PROX1: variants seen among roughly 807,000 people sequenced by gnomAD.
PROX1 encodes the protein prospero homeobox protein 1.
In PROX1, 7 loss-of-function variants were observed where a neutral mutation model predicts 58.8. The ratio of observed to expected loss-of-function variants is 0.12; its 90% confidence interval spans 0.07 to 0.22. The LOEUF (loss-of-function observed/expected upper bound fraction) is 0.22. PROX1 is among the 10% of genes least tolerant of loss of function. The pLI is 1.00. For missense variants in PROX1, 675 were observed against 927.8 expected (o/e 0.73, Z 3.54); for synonymous variants, 350 against 358.3 (o/e 0.98, Z 0.26).
chr1:214,027,939 G>GTTT (rs60310710), intron 4 of PROX1, among the ~76,000 whole-genome samples: 1 of 146,456 alleles, frequency 6.8e-6, no homozygotes, highest in African/African-American at 2.5e-5. Flanking sequence ...TAGTTTTTAG[G>GTTT]TTTTTTTTTT....
rs550186469 is a variant in PROX1, at chr1:214,014,215, C to T, written c.2028+2500C>T. Among the ~76,000 whole-genome samples the T allele has an allele frequency of 2.6e-5, 4 of 152,320 alleles. No individual in the cohort carries two copies. The South Asian group carries it at 8.3e-4, about 32-fold the overall frequency. On this transcript the variant is annotated intron_variant, in intron 4 of 4. Coordinates refer to ENST00000366958, the MANE Select transcript of PROX1 (RefSeq NM_001270616.2). The stretch of plus-strand genomic sequence containing the variant: ...CTGAGAGCCAAAAGTAGATCCGGCA[C>T]CTTCAGCTGAATACCTCCACTGATA...
intron 4 of PROX1, among the ~76,000 whole-genome samples, chr1:214,014,565 C>T (rs906350010): frequency 6.6e-6 from 1 of 152,134 alleles, no homozygotes; most frequent in Non-Finnish European, 1.5e-5. Context: ...TACTAATGAC[C>T]TAGGCACTCT....
chr1:214,001,980 C>A (rs1663531814), intron 2 of PROX1, among the ~76,000 whole-genome samples: 1 of 152,090 alleles, frequency 6.6e-6, no homozygotes, highest in African/African-American at 2.4e-5. Context: ...CTTTTCTCCC[C>A]ATTTTAGTTT....
chr1:214,006,258 G>A lies in PROX1; in HGVS notation c.1833+986G>A, dbSNP rs560442369. Among the ~76,000 whole-genome samples, 33 of 150,668 alleles carry A rather than the reference G, an allele frequency of 2.2e-4. No individual in the cohort carries two copies. The South Asian group carries it at 6.3e-3, about 29-fold the overall frequency. On this transcript the variant is annotated intron_variant, in intron 3 of 4. Transcript: ENST00000366958. The stretch of plus-strand genomic sequence containing the variant: ...CTCGCTCTTCCACTGCTCCCCGCAC[G>A]CAGCTTGTTTTGTGCTTGATGCCCA...
chr1:214,027,432 C>T (rs772696288), intron 4 of PROX1, among the ~76,000 whole-genome samples: 9 of 152,148 alleles, frequency 5.9e-5, no homozygotes, highest in Non-Finnish European at 1.3e-4. Flanking sequence ...GCTCCCAAAG[C>T]TCTGTCTCTC....
chr1:214,015,524 G>A lies in PROX1; in HGVS notation c.2028+3809G>A, dbSNP rs1212685188. Among the ~76,000 whole-genome samples the A allele has an allele frequency of 4.0e-5, 6 of 151,808 alleles. 1 individual carries two copies. The highest frequency in any genetic ancestry group is 8.8e-5 in the Non-Finnish European group (6 of 67,964). ...AGGGGCGTATGAGTTGGATTTTATC[G>A]CTTTTGTTGTTTTCCTCACAACTGT... On this transcript the variant is annotated intron_variant, in intron 4 of 4. Coordinates refer to ENST00000366958, the MANE Select transcript of PROX1 (RefSeq NM_001270616.2).
Position 213,989,261 on chromosome 1 carries a change from C to T in PROX1, c.-68+778C>T, listed in dbSNP as rs538158105. Among the ~76,000 whole-genome samples, 10 of 151,914 alleles carry T rather than the reference C, an allele frequency of 6.6e-5. No individual in the cohort carries two copies. In the South Asian group the frequency reaches 2.1e-3, roughly 32 times the overall value. Reference sequence around the variant, plus strand: ...GATGGGTCCCGGGAAACGCGCGCGGCGCCCCTCTTCCGAGCTCCTGGACCC... The same window carrying T: ...GATGGGTCCCGGGAAACGCGCGCGGTGCCCCTCTTCCGAGCTCCTGGACCC... On this transcript the variant is annotated intron_variant, in intron 1 of 4. Coordinates refer to ENST00000366958, the MANE Select transcript of PROX1 (RefSeq NM_001270616.2).
chr1:213,997,071 C>G lies in PROX1; in HGVS notation c.536C>G (p.Ser179Cys). 6.2e-7 allele frequency: 1 copy of G among 1,613,948 alleles called. No individual in the cohort carries two copies. Among genetic ancestry groups the G allele is most frequent in the South Asian group, 1.1e-5 (1 of 91,058 alleles). The stretch of plus-strand genomic sequence containing the variant: ...AATATAATTCGGGGTATGAGCCATT[C>G]CCCCAGTGTGGCATTAAGGGGCAAT... ...VENIIRGMSH[S>C]PSVALRGNEN... The change falls in exon 2 of 5, where the codon TCC becomes TGC. Residue 179 changes from serine (S) to cysteine (C), a missense_variant. This residue lies in a region of PROX1 where 403 missense variants were observed against 477.4 expected (regional missense o/e 0.84). Transcript: ENST00000366958. This position sits in a 1 kb window ranked among gnomAD's most constrained non-coding sequence, Gnocchi z 7.1.
intron 4 of PROX1, among the ~76,000 whole-genome samples, chr1:214,025,092 A>G (rs964580583): frequency 3.9e-5 from 6 of 152,230 alleles, no homozygotes; most frequent in Non-Finnish European, 8.8e-5. Flanking sequence ...TCCTCTGTTT[A>G]GCACATTTAA....
intron 4 of PROX1, among the ~76,000 whole-genome samples, chr1:214,015,420 C>CA (rs946522775): frequency 1.3e-5 from 2 of 151,858 alleles, no homozygotes; most frequent in South Asian, 2.1e-4. Flanking sequence ...GAAGGGCTTC[C>CA]AAAAAAAATT....
At chr1:214,026,408 T>C (rs1664460243) in intron 4 of PROX1, among the ~76,000 whole-genome samples, 1 of 152,186 alleles carries the variant, frequency 6.6e-6, no homozygotes, top group Admixed American at 6.5e-5. Flanking sequence ...AGTACTATCT[T>C]CTACTGGGGC....
chr1:214,025,942 G>T (rs929995220), intron 4 of PROX1, among the ~76,000 whole-genome samples: 3 of 152,104 alleles, frequency 2.0e-5, no homozygotes, highest in Admixed American at 2.0e-4. Context: ...GATTACAGGC[G>T]TGAGCCACCG....
chr1:214,017,317 C>CTATTTCCTTTGAA (rs1266211943), intron 4 of PROX1, among the ~76,000 whole-genome samples: 1 of 152,142 alleles, frequency 6.6e-6, no homozygotes, highest in Non-Finnish European at 1.5e-5. Context: ...GTTCTATGAT[C>CTATTTCCTTTGAA]TATTTCCTTT....
intron 4 of PROX1, among the ~76,000 whole-genome samples, chr1:214,025,411 C>T (rs1664417852): frequency 6.6e-6 from 1 of 152,222 alleles, no homozygotes; most frequent in African/African-American, 2.4e-5. Flanking sequence ...CAAAGTATGG[C>T]CTATGGGCAG....
Position 214,040,782 on chromosome 1 carries a change from A to G in PROX1, c.*4948A>G, listed in dbSNP as rs1664985153. 1 of 152,068 alleles carries G rather than the reference A, an allele frequency of 6.6e-6. No individual in the cohort carries two copies. The highest frequency in any genetic ancestry group is 1.5e-5 in the Non-Finnish European group (1 of 67,972). The allele number at this position is 152,068 out of a possible 1,614,324, so 9.4% of individuals were successfully genotyped here. ...TTGTTTGTTTTTTTTAGCTAGAGGC[A>G]ATTTCAATTGTGAATTTTTGTTGTT... is the stretch of plus-strand genomic sequence containing the variant. On this transcript the variant is annotated 3_prime_UTR_variant, in exon 5 of 5. Coordinates refer to ENST00000366958, the MANE Select transcript of PROX1 (RefSeq NM_001270616.2).
chr1:214,011,829 C>T, intron 4 of PROX1, 114 bp downstream of exon 4: 1 of 834,850 alleles, frequency 1.2e-6, no homozygotes, highest in Middle Eastern at 3.6e-4. Flanking sequence ...ACAAGCATCC[C>T]CCAATAGAGT....
At chr1:214,022,798 A>G (rs1571835406) in intron 4 of PROX1, among the ~76,000 whole-genome samples, 2 of 152,260 alleles carry the variant, frequency 1.3e-5, no homozygotes, top group East Asian at 1.9e-4. Flanking sequence ...GTTTCATTCT[A>G]GCTCTGAAAT....
chr1:213,989,127 G>A (rs533894272), intron 1 of PROX1, among the ~76,000 whole-genome samples: 1 of 152,174 alleles, frequency 6.6e-6, no homozygotes, highest in South Asian at 2.1e-4. Flanking sequence ...CCCAGCAGAG[G>A]ACCGGGAACT....
intron 2 of PROX1, among the ~76,000 whole-genome samples, chr1:214,000,694 A>G (rs1663475399): frequency 6.6e-6 from 1 of 152,218 alleles, no homozygotes; most frequent in Non-Finnish European, 1.5e-5. Context: ...TCTCAGGAAG[A>G]GTAAGATAGG....
Sources: gnomAD v4.1 joint callset for allele counts (sites outside exome capture counted in the v4.1 genomes callset) on GRCh38, gnomAD v4.1.1 for gene constraint, gnomAD v4.1.1 regional missense constraint, Gnocchi (gnomAD v3.1) non-coding constraint, MANE v1.5 for transcripts, NCBI Gene and HGNC (gene_info 2026-07-23, HGNC 2026-07-21) for gene names.